IFI44: variants seen among roughly 807,000 people sequenced by gnomAD.
IFI44 encodes interferon induced protein 44, also known as interferon-induced protein 44.
Under a neutral mutation model 45.0 loss-of-function variants are expected in IFI44, and 42 were observed. The ratio of observed to expected loss-of-function variants is 0.93; its 90% CI spans 0.73 to 1.21. IFI44 has a LOEUF of 1.21. IFI44 is among the 50% of genes most tolerant of loss of function. The pLI is 0.00. For synonymous variants in IFI44, 221 were observed against 188.6 expected (o/e 1.17, Z -1.41); for missense variants, 623 against 525.8 (o/e 1.18, Z -1.81).
intron 2 of IFI44, among the ~76,000 whole-genome samples, chr1:78,653,831 CAG>C (rs1232127881): frequency 5.9e-5 from 9 of 152,200 alleles, no homozygotes; most frequent in Non-Finnish European, 1.2e-4. Flanking sequence ...TTATTCCTCT[CAG>C]ACTTATTGGA....
At chr1:78,659,518 A>C (rs763996762) in intron 6 of IFI44, 35 bp downstream of exon 6, 5 of 1,535,770 alleles carry the variant, frequency 3.3e-6, no homozygotes, top group Non-Finnish European at 4.5e-6. Flanking sequence ...GGGTAATACC[A>C]CTAAGGGTAA....
chr1:78,653,050 G>C (rs900780537), intron 2 of IFI44, among the ~76,000 whole-genome samples: 1 of 151,778 alleles, frequency 6.6e-6, no homozygotes, highest in Non-Finnish European at 1.5e-5. Flanking sequence ...GTCTTTCTTT[G>C]ATAAAACAAG....
intron 1 of IFI44, 54 bp from the exon 2 acceptor site, chr1:78,650,132 A>T: frequency 1.6e-6 from 2 of 1,283,026 alleles, no homozygotes; most frequent in Non-Finnish European, 2.1e-6. Context: ...TTTTATAACT[A>T]CATATTATCT....
In IFI44 at chr1:78,661,476, T is replaced by A. The variant is rs189175531; in HGVS notation, c.1113+822T>A. 1.6e-4 allele frequency among the ~76,000 whole-genome samples: 24 copies of A among 152,292 alleles called. No individual in the cohort carries two copies. The East Asian group carries it at 4.4e-3, about 28-fold the overall frequency. On this transcript the variant is annotated intron_variant, in intron 7 of 8. Transcript: ENST00000370747. ...ACATGGGTAAGTTCATTTATTACAA[T>A]TTAATTCAACTAGATTCAATTCAAT... is the stretch of plus-strand genomic sequence containing the variant.
At chr1:78,653,995 G>A (rs2100441603) in intron 2 of IFI44, among the ~76,000 whole-genome samples, 1 of 152,284 alleles carries the variant, frequency 6.6e-6, no homozygotes, top group Non-Finnish European at 1.5e-5. Context: ...GTAATTGAAT[G>A]AGAAGAGATC....
intron 4 of IFI44, 64 bp from the exon 5 acceptor site, chr1:78,655,298 A>G: frequency 1.3e-6 from 2 of 1,562,350 alleles, no homozygotes; most frequent in Admixed American, 1.9e-5. Flanking sequence ...TTTATTACAT[A>G]TAGACTTCAT....
chr1:78,659,559 G>A (rs184966303), intron 6 of IFI44, 76 bp downstream of exon 6: 1 of 1,197,370 alleles, frequency 8.4e-7, no homozygotes, highest in Non-Finnish European at 1.2e-6. Context: ...AATGCTTTTT[G>A]GACAGGATAA....
chr1:78,655,567 C>A, intron 5 of IFI44, 56 bp downstream of exon 5: 1 of 1,431,018 alleles, frequency 7.0e-7, no homozygotes, highest in Non-Finnish European at 9.6e-7. Flanking sequence ...TATTTTTGTA[C>A]AAATGTATCA....
At chr1:78,663,688 T>G in intron 8 of IFI44, 77 bp from the exon 9 acceptor site, 1 of 1,568,342 alleles carries the variant, frequency 6.4e-7, no homozygotes, top group Non-Finnish European at 8.6e-7. Flanking sequence ...AGATTTTCAG[T>G]GGTCCAATAT....
chr1:78,661,450 G>C (rs991628380), intron 7 of IFI44, among the ~76,000 whole-genome samples: 4 of 151,798 alleles, frequency 2.6e-5, no homozygotes, highest in African/African-American at 9.7e-5. Flanking sequence ...TCTTTACACT[G>C]ACATGGGTAA....
chr1:78,661,109 C>T (rs1647425026), intron 7 of IFI44, among the ~76,000 whole-genome samples: 1 of 152,116 alleles, frequency 6.6e-6, no homozygotes, highest in Non-Finnish European at 1.5e-5. Flanking sequence ...GTTGCCCAGG[C>T]TGGAGTGCAG....
chr1:78,657,880 G>A (rs1278217403), intron 5 of IFI44, among the ~76,000 whole-genome samples: 1 of 151,996 alleles, frequency 6.6e-6, no homozygotes, highest in Non-Finnish European at 1.5e-5. Flanking sequence ...ACCAGTGAAA[G>A]CCTCTACAAT....
chr1:78,655,081 C>G lies in IFI44; in HGVS notation c.562C>G (p.Arg188Gly), dbSNP rs772621122. 5.6e-6 allele frequency: 9 copies of G among 1,613,854 alleles called. No homozygotes were observed. The highest frequency in any genetic ancestry group is 7.6e-6 in the Non-Finnish European group (9 of 1,179,832). The change falls in exon 4 of 9, where the codon CGA (arginine) becomes GGA (glycine). Residue 188 changes from arginine (R) to glycine (G), a missense_variant. Physicochemically the swap from Arg to Gly is moderately radical, Grantham distance 125. Transcript: ENST00000370747. ...EPYGSLVQQI[R>G]ILLLGPIGAG... ...ATATGGATCCCTGGTTCAACAAATA[C>G]GAATTCTGCTGCTGGGTCCAATTGG...
intron 5 of IFI44, among the ~76,000 whole-genome samples, chr1:78,658,164 C>G (rs1348091350): frequency 6.6e-6 from 1 of 152,046 alleles, no homozygotes; most frequent in Non-Finnish European, 1.5e-5. Flanking sequence ...TCTTTTCTAT[C>G]ACTCGTATAT....
At position 78,662,819 on chromosome 1, in the gene IFI44, T is replaced by C. The variant is rs148467411; in HGVS notation, c.1229T>C (p.Leu410Pro). The change falls in exon 8 of 9, where the codon CTG (leucine) becomes CCG (proline). Residue 410 changes from leucine to proline, a missense_variant. Leu to Pro is a moderately conservative substitution (Grantham distance 98, BLOSUM62 -3). Coordinates refer to ENST00000370747, the MANE Select transcript of IFI44 (RefSeq NM_006417.5). ...PVKDVLILSA[L>P]RRMLWAADDF... ...AAGGATGTTCTAATTCTTTCTGCTC[T>C]GAGACGAATGCTATGGGCTGCAGAT... 6.2e-7 allele frequency: 1 copy of C among 1,613,994 alleles called. No individual in the cohort carries two copies.
chr1:78,660,505 A>G (rs1263279080), intron 6 of IFI44, 49 bp from the exon 7 acceptor site: 2 of 1,340,580 alleles, frequency 1.5e-6, no homozygotes, highest in South Asian at 2.4e-5. Flanking sequence ...AAATAACTTG[A>G]AAATACTGAT....
At chr1:78,651,296 G>A (rs1368908724) in intron 2 of IFI44, among the ~76,000 whole-genome samples, 2 of 152,112 alleles carry the variant, frequency 1.3e-5, no homozygotes, top group Non-Finnish European at 2.9e-5. Flanking sequence ...GCAACTAAAC[G>A]GTCCCATCTT....
At chr1:78,651,791 A>C (rs1305663726) in intron 2 of IFI44, among the ~76,000 whole-genome samples, 1 of 152,100 alleles carries the variant, frequency 6.6e-6, no homozygotes. Flanking sequence ...GGGATTATGT[A>C]GTATTTGTCC....
chr1:78,653,303 G>A (rs1647152311), intron 2 of IFI44, among the ~76,000 whole-genome samples: 1 of 151,828 alleles, frequency 6.6e-6, no homozygotes, highest in Non-Finnish European at 1.5e-5. Context: ...TTATAATTGT[G>A]GTTTTTATTT....
Sources: gnomAD v4.1 joint callset for allele counts (sites outside exome capture counted in the v4.1 genomes callset) on GRCh38, gnomAD v4.1.1 for gene constraint, MANE v1.5 for transcripts, NCBI Gene and HGNC (gene_info 2026-07-23, HGNC 2026-07-21) for gene names.